Variants in GALNTL6 observed in about 807,000 individuals in gnomAD.
The protein encoded by GALNTL6 is polypeptide N-acetylgalactosaminyltransferase-like 6.
In GALNTL6, 46 loss-of-function variants were observed where a neutral mutation model predicts 73.7. The observed-to-expected ratio is 0.62, with a 90% confidence interval of 0.49 to 0.80. GALNTL6 has a LOEUF of 0.80. Ranked by LOEUF, GALNTL6 falls within the 30% of genes least tolerant of loss-of-function variation. The probability of loss-of-function intolerance (pLI) is 0.00; values close to 1 mark genes in which losing one functional copy is unlikely to be tolerated. For synonymous variants in GALNTL6, 259 were observed against 263.7 expected (o/e 0.98, Z 0.17); for missense variants, 604 against 755.0 (o/e 0.80, Z 2.34).
chr4:172,343,667 A>G (rs1317291137), intron 4 of GALNTL6, among the ~76,000 whole-genome samples: 1 of 152,156 alleles, frequency 6.6e-6, no homozygotes, highest in Non-Finnish European at 1.5e-5. Context: ...ATGCCAATAT[A>G]AAAAATCAGA....
intron 2 of GALNTL6, among the ~76,000 whole-genome samples, chr4:171,929,475 C>T (rs1358992119): frequency 6.6e-6 from 1 of 152,214 alleles, no homozygotes; most frequent in African/African-American, 2.4e-5. Flanking sequence ...ACGCCCCAGA[C>T]CCCCACCCCG....
chr4:172,744,617 G>C lies in GALNTL6; in HGVS notation c.554-64744G>C, dbSNP rs894496400. ...TTTATTTCATTACTAAGGACAATTT[G>C]TCACTTCCCCAAATTTCTGGGTGTC... is the stretch of plus-strand genomic sequence containing the variant. On this transcript the variant is annotated intron_variant, in intron 5 of 12. Coordinates refer to ENST00000506823, the MANE Select transcript of GALNTL6 (RefSeq NM_001034845.3). Among the ~76,000 whole-genome samples, 5 of 152,016 alleles carry C rather than the reference G, an allele frequency of 3.3e-5. No homozygotes were observed. In the South Asian group the frequency reaches 1.0e-3, roughly 32 times the overall value.
At chr4:171,874,289 G>A (rs957889282) in intron 2 of GALNTL6, among the ~76,000 whole-genome samples, 6 of 152,074 alleles carry the variant, frequency 3.9e-5, no homozygotes, top group African/African-American at 2.4e-5. Flanking sequence ...GGCAACCTCC[G>A]CCTCCCAGGT....
At chr4:172,014,753 T>C (rs1367538922) in intron 2 of GALNTL6, among the ~76,000 whole-genome samples, 1 of 152,110 alleles carries the variant, frequency 6.6e-6, no homozygotes, top group Non-Finnish European at 1.5e-5. Flanking sequence ...TGTGTTGCTG[T>C]TATCATTCAA....
chr4:172,384,386 G>A (rs1237533390), intron 5 of GALNTL6, among the ~76,000 whole-genome samples: 2 of 151,688 alleles, frequency 1.3e-5, no homozygotes, highest in Non-Finnish European at 2.9e-5. Context: ...CTAATTTGTG[G>A]GACCACAGTA....
chr4:172,041,983 C>A (rs968972726), intron 2 of GALNTL6, among the ~76,000 whole-genome samples: 3 of 151,986 alleles, frequency 2.0e-5, no homozygotes, highest in African/African-American at 7.2e-5. Flanking sequence ...AACTATTGTA[C>A]TGTAAAAAGC....
At chr4:172,269,012 T>C (rs745857258) in intron 3 of GALNTL6, among the ~76,000 whole-genome samples, 1 of 152,146 alleles carries the variant, frequency 6.6e-6, no homozygotes, top group Non-Finnish European at 1.5e-5. Flanking sequence ...GAGATGAGCG[T>C]GGCCCATCAC....
intron 4 of GALNTL6, among the ~76,000 whole-genome samples, chr4:172,326,072 A>T (rs898798092): frequency 2.9e-4 from 44 of 151,932 alleles, no homozygotes; most frequent in African/African-American, 1.0e-3. Context: ...CCAAAAACTT[A>T]GAAACCAACA....
At chr4:172,935,786 A>T (rs1748582525) in intron 9 of GALNTL6, among the ~76,000 whole-genome samples, 1 of 152,220 alleles carries the variant, frequency 6.6e-6, no homozygotes, top group African/African-American at 2.4e-5. Context: ...TGAGGCAGTA[A>T]TTAATAGCCT....
intron 2 of GALNTL6, among the ~76,000 whole-genome samples, chr4:172,218,172 T>G (rs1435161036): frequency 2.6e-5 from 4 of 152,246 alleles, no homozygotes; most frequent in African/African-American, 9.6e-5. Context: ...TTCCTCTCTT[T>G]GCCCATCCCA....
chr4:172,192,570 G>T (rs1735619914), intron 2 of GALNTL6, among the ~76,000 whole-genome samples: 1 of 152,118 alleles, frequency 6.6e-6, no homozygotes, highest in Admixed American at 6.6e-5. Flanking sequence ...CCTTGGAGCT[G>T]CACGGGGCAA....
At chr4:171,935,202 C>T (rs189363864) in intron 2 of GALNTL6, among the ~76,000 whole-genome samples, 3 of 152,120 alleles carry the variant, frequency 2.0e-5, no homozygotes, top group East Asian at 1.9e-4. Context: ...CTAATCAGGC[C>T]GATCAAAGGA....
chr4:172,848,374 G>A (rs887588839), intron 7 of GALNTL6, among the ~76,000 whole-genome samples: 13 of 152,104 alleles, frequency 8.5e-5, no homozygotes, highest in East Asian at 1.9e-4. Context: ...TTCTATACTC[G>A]TGTGAATATT....
chr4:172,693,968 CA>C (rs1200351360), intron 5 of GALNTL6, among the ~76,000 whole-genome samples: 1 of 152,080 alleles, frequency 6.6e-6, no homozygotes. Flanking sequence ...ATATGAATTC[CA>C]CTATTTAAAA....
rs73871877 is a variant in GALNTL6 at position 172,838,558 on chromosome 4, G to A, written c.923+24835G>A. Among the ~76,000 whole-genome samples, 772 of 152,286 alleles carry A rather than the reference G, an allele frequency of 5.1e-3. 9 individuals are homozygous for A. The highest frequency in any genetic ancestry group is 0.018 in the African/African-American group (738 of 41,548). ...CTTCTCTGTTTAAGTTAGACAGAGC[G>A]GCTTTCTTTTGTCTTGCAACCAAAG... On this transcript the variant is annotated intron_variant, in intron 7 of 12. Transcript: ENST00000506823.
chr4:172,343,779 ATTTGGATTTTTTT>A (rs1392115071), intron 4 of GALNTL6, among the ~76,000 whole-genome samples: 15 of 152,132 alleles, frequency 9.9e-5, no homozygotes, highest in Non-Finnish European at 2.1e-4. Context: ...TTACAAAATA[ATTTGGATTTTTTT>A]TTTGGATTTT....
rs535592511 is a variant in GALNTL6, at chr4:172,918,577, T to G, written c.1042-12584T>G. Among the ~76,000 whole-genome samples, 36 of 152,228 alleles carry G rather than the reference T, an allele frequency of 2.4e-4. No homozygotes were observed. The South Asian group carries it at 6.8e-3, about 29-fold the overall frequency. ...ATTCACAGACCTGCATGTTATCATA[T>G]GCCCTGACTCCTCTCATGGAGGCCA... On this transcript the variant is annotated intron_variant, in intron 8 of 12. Coordinates refer to ENST00000506823, the MANE Select transcript of GALNTL6 (RefSeq NM_001034845.3).
intron 2 of GALNTL6, among the ~76,000 whole-genome samples, chr4:172,054,625 C>A (rs1730969927): frequency 6.6e-6 from 1 of 152,162 alleles, no homozygotes; most frequent in Admixed American, 6.6e-5. Flanking sequence ...AAGAACTCCA[C>A]CCTCATGGTC....
intron 5 of GALNTL6, among the ~76,000 whole-genome samples, chr4:172,617,130 G>A (rs1487341791): frequency 6.6e-6 from 1 of 151,878 alleles, no homozygotes; most frequent in Non-Finnish European, 1.5e-5. Flanking sequence ...AGAAAGATAA[G>A]TAGTGTGTTT....
Sources: gnomAD v4.1 joint callset for allele counts (sites outside exome capture counted in the v4.1 genomes callset) on GRCh38, gnomAD v4.1.1 for gene constraint, MANE v1.5 for transcripts, NCBI Gene and HGNC (gene_info 2026-07-23, HGNC 2026-07-21) for gene names.